The following FSTL5 variants were observed in gnomAD, a reference collection of about 807,000 sequenced individuals.
FSTL5 encodes follistatin-related protein 5.
FSTL5 carries 62 observed loss-of-function variants against 89.1 expected under a neutral mutation model. The ratio of observed to expected loss-of-function variants is 0.70; its 90% CI spans 0.57 to 0.86. The LOEUF is 0.86. Among genes scored for constraint, FSTL5 ranks in the 40% least tolerant of loss-of-function variants. The probability of loss-of-function intolerance (pLI) is 0.00; values close to 1 mark genes in which losing one functional copy is unlikely to be tolerated. For missense variants in FSTL5, 1,057 were observed against 1,001.6 expected (o/e 1.06, Z -0.75); for synonymous variants, 383 against 346.2 (o/e 1.11, Z -1.18).
chr4:161,621,645 C>T (rs193264981), intron 7 of FSTL5, among the ~76,000 whole-genome samples: 10 of 151,974 alleles, frequency 6.6e-5, no homozygotes, highest in African/African-American at 1.9e-4. Context: ...TTGATAAACT[C>T]CCCTAAGATT....
intron 6 of FSTL5, among the ~76,000 whole-genome samples, chr4:161,756,056 A>T (rs1412693072): frequency 6.6e-6 from 1 of 152,056 alleles, no homozygotes. Context: ...AGGGATCATT[A>T]TATAGCTTGA....
intron 10 of FSTL5, among the ~76,000 whole-genome samples, chr4:161,532,555 T>G (rs1459314273): frequency 1.3e-5 from 2 of 152,200 alleles, no homozygotes; most frequent in South Asian, 2.1e-4. Context: ...TATGTGCAAA[T>G]AAGAAAAGTA....
At chr4:161,455,331 AG>A (rs1012516043) in intron 14 of FSTL5, among the ~76,000 whole-genome samples, 12 of 152,196 alleles carry the variant, frequency 7.9e-5, no homozygotes, top group African/African-American at 2.9e-4. Context: ...GTTTCTATAA[AG>A]AAAAAAATAG....
intron 4 of FSTL5, among the ~76,000 whole-genome samples, chr4:161,784,957 G>GTATCTAAC (rs1243330882): frequency 1.3e-5 from 2 of 151,212 alleles, no homozygotes; most frequent in African/African-American, 4.9e-5. Flanking sequence ...GAAATCATAG[G>GTATCTAAC]TATCTAACAC....
chr4:161,401,048 T>G (rs1436858494), intron 15 of FSTL5, among the ~76,000 whole-genome samples: 1 of 152,172 alleles, frequency 6.6e-6, no homozygotes, highest in East Asian at 1.9e-4. Context: ...AATTTTATCA[T>G]GTGCAATTTA....
intron 7 of FSTL5, among the ~76,000 whole-genome samples, chr4:161,638,330 G>C (rs984140422): frequency 3.3e-5 from 5 of 151,820 alleles, no homozygotes; most frequent in African/African-American, 4.8e-5. Flanking sequence ...CTGAGACTTT[G>C]CTGAAGTTGC....
At chr4:161,560,931 T>TTTATTA (rs1394645814) in intron 8 of FSTL5, among the ~76,000 whole-genome samples, 2 of 151,846 alleles carry the variant, frequency 1.3e-5, no homozygotes, top group East Asian at 3.9e-4. Flanking sequence ...AACATAGTCA[T>TTTATTA]TTATTATTAT....
chr4:161,752,906 G>A (rs970922763), intron 6 of FSTL5, among the ~76,000 whole-genome samples: 2 of 152,148 alleles, frequency 1.3e-5, no homozygotes, highest in African/African-American at 4.8e-5. Context: ...GCAGCAAGAA[G>A]GCGGGCATTA....
intron 15 of FSTL5, chr4:161,387,643 TATAA>T (rs1342336981): frequency 6.6e-6 from 1 of 151,958 alleles, no homozygotes; most frequent in Non-Finnish European, 1.5e-5. Context: ...AGCTCAAAAA[TATAA>T]ATAAACATAT....
chr4:161,400,785 A>T (rs1731157240), intron 15 of FSTL5, among the ~76,000 whole-genome samples: 1 of 152,136 alleles, frequency 6.6e-6, no homozygotes, highest in Admixed American at 6.5e-5. Flanking sequence ...TTATTTTAGT[A>T]AATAGCAGTG....
At position 161,499,882 on chromosome 4, in the gene FSTL5, C is replaced by A. The variant is rs943542657; in HGVS notation, c.1458+134G>T. ...ATATAAAACCTAAAAAGAATAACAC[C>A]GAATATCATGGGTTTCATAATTTTC... On this transcript the variant is annotated intron_variant, in intron 12 of 15. Transcript: ENST00000306100. The A allele has an allele frequency of 1.1e-5, 7 of 622,870 alleles. No individual in the cohort carries two copies. In the East Asian group the frequency reaches 1.8e-4, roughly 16 times the overall value. The allele number at this position is 622,870 out of a possible 1,614,324, so 38.6% of individuals were successfully genotyped here.
intron 3 of FSTL5, among the ~76,000 whole-genome samples, chr4:161,983,060 C>T (rs187086790): frequency 6.6e-6 from 1 of 152,048 alleles, no homozygotes; most frequent in Admixed American, 6.6e-5. Flanking sequence ...TCAGAGAAAT[C>T]GAGGAAAGTT....
intron 9 of FSTL5, among the ~76,000 whole-genome samples, chr4:161,541,263 T>A (rs1731809725): frequency 6.6e-6 from 1 of 152,162 alleles, no homozygotes; most frequent in South Asian, 2.1e-4. Flanking sequence ...TACAGTAATT[T>A]CTTTGCAAGC....
intron 4 of FSTL5, among the ~76,000 whole-genome samples, chr4:161,834,815 T>C (rs944588017): frequency 1.3e-5 from 2 of 152,004 alleles, no homozygotes; most frequent in Non-Finnish European, 2.9e-5. Flanking sequence ...TACAAACAAA[T>C]GGAAGAACAT....
At chr4:161,567,661 A>C (rs1275499660) in intron 8 of FSTL5, among the ~76,000 whole-genome samples, 2 of 152,180 alleles carry the variant, frequency 1.3e-5, no homozygotes, top group African/African-American at 4.8e-5. Flanking sequence ...TATCAAAAAC[A>C]AGATGCAGTA....
At chr4:162,038,132 A>G (rs928373345) in intron 2 of FSTL5, among the ~76,000 whole-genome samples, 3 of 151,942 alleles carry the variant, frequency 2.0e-5, no homozygotes, top group Non-Finnish European at 4.4e-5. Context: ...GGTATAACTT[A>G]ATTTTAACAT....
chr4:162,059,008 A>G (rs936083813), intron 2 of FSTL5, among the ~76,000 whole-genome samples: 1 of 152,216 alleles, frequency 6.6e-6, no homozygotes, highest in African/African-American at 2.4e-5. Flanking sequence ...CAAATTTTAG[A>G]AAAGAAATAC....
At chr4:161,724,049 TAGAA>T (rs1175336206) in intron 6 of FSTL5, among the ~76,000 whole-genome samples, 3 of 151,762 alleles carry the variant, frequency 2.0e-5, no homozygotes, top group African/African-American at 4.8e-5. Flanking sequence ...AATAAGGCCT[TAGAA>T]AGAAAGGATC....
intron 3 of FSTL5, among the ~76,000 whole-genome samples, chr4:161,990,533 A>C (rs2111074621): frequency 6.6e-6 from 1 of 152,236 alleles, no homozygotes; most frequent in Admixed American, 6.5e-5. Flanking sequence ...TATATCAATT[A>C]TTCTCTTATA....
Sources: allele counts gnomAD v4.1 joint callset (sites outside exome capture counted in the v4.1 genomes callset), GRCh38; gene constraint gnomAD v4.1.1; transcripts MANE v1.5; gene names NCBI Gene and HGNC (gene_info 2026-07-23, HGNC 2026-07-21).